Variants in CCDC192 observed in about 807,000 individuals in gnomAD.
The protein encoded by CCDC192 is coiled-coil domain containing 192.
chr5:127,750,920 G>A (rs1754118177), intron 2 of CCDC192, among the ~76,000 whole-genome samples: 1 of 149,818 alleles, frequency 6.7e-6, no homozygotes, highest in Non-Finnish European at 1.5e-5. Flanking sequence ...TGTTTTATCA[G>A]AGACTAAGAT....
intron 2 of CCDC192, among the ~76,000 whole-genome samples, chr5:127,726,820 G>C (rs1204031135): frequency 1.3e-5 from 2 of 152,186 alleles, no homozygotes; most frequent in African/African-American, 4.8e-5. Context: ...CTTTCCCCTT[G>C]CTGGCTCTGA....
chr5:127,752,597 C>T (rs1220221085), intron 2 of CCDC192, among the ~76,000 whole-genome samples: 2 of 152,218 alleles, frequency 1.3e-5, no homozygotes, highest in Non-Finnish European at 2.9e-5. Context: ...AGAGGTGGAG[C>T]CTACAGAGGC....
chr5:127,708,600 G>A (rs1315105033), intron 2 of CCDC192, among the ~76,000 whole-genome samples: 1 of 152,148 alleles, frequency 6.6e-6, no homozygotes, highest in Non-Finnish European at 1.5e-5. Context: ...GACTTGGGAT[G>A]AGGCCAAAAT....
intron 6 of CCDC192, among the ~76,000 whole-genome samples, chr5:127,878,834 A>G (rs1394134168): frequency 6.7e-6 from 1 of 148,988 alleles, no homozygotes; most frequent in African/African-American, 2.5e-5. Context: ...CTTCCTACCC[A>G]TGAGCATGGA....
intron 6 of CCDC192, among the ~76,000 whole-genome samples, chr5:127,928,602 G>C (rs1753929582): frequency 6.6e-6 from 1 of 152,114 alleles, no homozygotes. Flanking sequence ...TATCTTAGGG[G>C]CGTATTATTC....
intron 2 of CCDC192, among the ~76,000 whole-genome samples, chr5:127,709,077 C>G (rs563345296): frequency 2.9e-4 from 41 of 139,706 alleles, no homozygotes; most frequent in African/African-American, 1.1e-3. Context: ...AAAGGGGTGG[C>G]GAGGCATGTC....
chr5:127,874,698 A>T (rs565236217), intron 5 of CCDC192, among the ~76,000 whole-genome samples: 1 of 152,218 alleles, frequency 6.6e-6, no homozygotes, highest in South Asian at 2.1e-4. Flanking sequence ...GCCCACAAAG[A>T]CTTGGCAAGG....
chr5:127,920,679 A>C (rs568453050), intron 6 of CCDC192, among the ~76,000 whole-genome samples: 77 of 152,040 alleles, frequency 5.1e-4, no homozygotes, highest in African/African-American at 1.8e-3. Flanking sequence ...CTAAAGTGCT[A>C]GGATTACAGG....
intron 6 of CCDC192, among the ~76,000 whole-genome samples, chr5:127,907,100 G>GA (rs934722510): frequency 3.3e-5 from 5 of 151,492 alleles, no homozygotes; most frequent in African/African-American, 1.2e-4. Flanking sequence ...TTTTGGTTTT[G>GA]AAAAAAACCA....
intron 5 of CCDC192, among the ~76,000 whole-genome samples, chr5:127,820,057 G>A (rs1255413722): frequency 6.6e-6 from 1 of 152,158 alleles, no homozygotes; most frequent in African/African-American, 2.4e-5. Flanking sequence ...TACTGATTGT[G>A]TTATTTTAAA....
chr5:127,728,513 AC>A (rs1752461045), intron 2 of CCDC192, among the ~76,000 whole-genome samples: 1 of 152,250 alleles, frequency 6.6e-6, no homozygotes, highest in African/African-American at 2.4e-5. Flanking sequence ...ATTTGTCACC[AC>A]AAATCCTGCT....
chr5:127,755,422 G>A (rs1481612272), intron 3 of CCDC192, among the ~76,000 whole-genome samples: 1 of 151,952 alleles, frequency 6.6e-6, no homozygotes, highest in Non-Finnish European at 1.5e-5. Context: ...ACCAAAAAAG[G>A]TGCATCCCTT....
intron 3 of CCDC192, among the ~76,000 whole-genome samples, chr5:127,774,260 G>A (rs1755726544): frequency 6.6e-6 from 1 of 151,716 alleles, no homozygotes; most frequent in Admixed American, 6.6e-5. Flanking sequence ...TCTCAATTTT[G>A]GCCAAGTCAA....
At chr5:127,779,905 C>T (rs536411050) in intron 3 of CCDC192, among the ~76,000 whole-genome samples, 26 of 151,780 alleles carry the variant, frequency 1.7e-4, no homozygotes, top group Admixed American at 4.6e-4. Flanking sequence ...TCCCCTAAGT[C>T]GCCAAAGTCC....
At chr5:127,727,007 T>C (rs1752364203) in intron 2 of CCDC192, among the ~76,000 whole-genome samples, 1 of 152,148 alleles carries the variant, frequency 6.6e-6, no homozygotes, top group South Asian at 2.1e-4. Context: ...TGGCATCAGG[T>C]TGGTGCCCCT....
intron 3 of CCDC192, among the ~76,000 whole-genome samples, chr5:127,780,177 A>G (rs1434931475): frequency 1.3e-5 from 2 of 152,200 alleles, no homozygotes; most frequent in East Asian, 3.9e-4. Flanking sequence ...ACACACATAT[A>G]TATATATATC....
At chr5:127,836,559 G>A (rs1164495758) in intron 5 of CCDC192, among the ~76,000 whole-genome samples, 1 of 152,204 alleles carries the variant, frequency 6.6e-6, no homozygotes, top group African/African-American at 2.4e-5. Flanking sequence ...ACTTCTGCCT[G>A]GACATCCAGG....
rs57616954 is a variant in CCDC192 at position 127,791,770 on chromosome 5, T to C, written c.223-5333T>C. Among the ~76,000 whole-genome samples the C allele has an allele frequency of 4.8e-3, 724 of 152,356 alleles. 1 individual carries two copies. The highest frequency in any genetic ancestry group is 0.016 in the African/African-American group (678 of 41,588). ...TCTGATTTCTAGAATTATGAAATTATATACAATGTTAAATTCTCAGCAAAA... is the reference window on the plus strand; with the variant it reads ...TCTGATTTCTAGAATTATGAAATTACATACAATGTTAAATTCTCAGCAAAA... On this transcript the variant is annotated intron_variant, in intron 3 of 6. Coordinates refer to ENST00000514853, the MANE Select transcript of CCDC192 (RefSeq NM_001317938.2).
chr5:127,883,831 C>A (rs1298384303), intron 6 of CCDC192, among the ~76,000 whole-genome samples: 9 of 152,138 alleles, frequency 5.9e-5, no homozygotes, highest in African/African-American at 1.9e-4. Context: ...TTGTTGGTTG[C>A]AAGTGACAGA....
Sources: allele counts gnomAD v4.1 joint callset (sites outside exome capture counted in the v4.1 genomes callset), GRCh38; gene constraint gnomAD v4.1.1; transcripts MANE v1.5; gene names NCBI Gene and HGNC (gene_info 2026-07-23, HGNC 2026-07-21).